GRM3: variants seen among roughly 807,000 people sequenced by gnomAD.
GRM3 encodes glutamate metabotropic receptor 3.
GRM3 carries 26 observed loss-of-function variants against 70.5 expected under a neutral mutation model. The ratio of observed to expected loss-of-function variants is 0.37; its 90% CI spans 0.27 to 0.51. The LOEUF is 0.51. GRM3 is among the 20% of genes least tolerant of loss of function. GRM3 has a pLI of 0.93. For synonymous variants in GRM3, 443 were observed against 434.9 expected, an observed-to-expected ratio of 1.02 and a Z score of -0.23; for missense variants, 859 against 1,123.8, an observed-to-expected ratio of 0.76 and a Z score of 3.37.
intron 2 of GRM3, among the ~76,000 whole-genome samples, chr7:86,772,047 A>G (rs1796756919): frequency 6.6e-6 from 1 of 152,056 alleles, no homozygotes; most frequent in Non-Finnish European, 1.5e-5. Flanking sequence ...ATGCCCCTCC[A>G]TTACTAAGTA....
At chr7:86,847,586 A>C (rs1357145919) in intron 4 of GRM3, among the ~76,000 whole-genome samples, 1 of 152,194 alleles carries the variant, frequency 6.6e-6, no homozygotes, top group African/African-American at 2.4e-5. Flanking sequence ...GAGAGTCCAC[A>C]ACTAAGCTCT....
chr7:86,783,266 C>T (rs981874006), intron 2 of GRM3, among the ~76,000 whole-genome samples: 1 of 152,128 alleles, frequency 6.6e-6, no homozygotes, highest in African/African-American at 2.4e-5. Flanking sequence ...TACCTGGATG[C>T]CTTTCTGTGT....
intron 1 of GRM3, among the ~76,000 whole-genome samples, chr7:86,658,216 A>G (rs143933040): frequency 1.6e-4 from 25 of 152,306 alleles, no homozygotes; most frequent in African/African-American, 5.8e-4. Flanking sequence ...AGCCAAAATT[A>G]TCTTTAAGAA....
intron 2 of GRM3, among the ~76,000 whole-genome samples, chr7:86,767,539 AT>A (rs1796635425): frequency 2.8e-5 from 4 of 140,864 alleles, no homozygotes; most frequent in South Asian, 2.2e-4. Context: ...ATATATATAT[AT>A]ATATATATAT....
In GRM3 at chr7:86,721,879, T is replaced by C. The variant is rs1280139184; in HGVS notation, c.-140-43127T>C. On this transcript the variant is annotated intron_variant, in intron 1 of 5. Transcript: ENST00000361669. ...ACTGTGACAAGGCAGTGTGATGTCA[T>C]TGGCACCTTGAAGAAGGAATATCAC... 8.5e-5 allele frequency among the ~76,000 whole-genome samples: 13 copies of C among 152,188 alleles called. No individual in the cohort carries two copies. In the East Asian group the frequency reaches 1.7e-3, roughly 20 times the overall value.
chr7:86,857,896 G>A (rs1187672727), intron 5 of GRM3, among the ~76,000 whole-genome samples: 1 of 151,830 alleles, frequency 6.6e-6, no homozygotes, highest in Non-Finnish European at 1.5e-5. Flanking sequence ...TATACTTTTT[G>A]AGGGAAGGAG....
intron 1 of GRM3, among the ~76,000 whole-genome samples, chr7:86,709,815 T>A (rs1180770628): frequency 6.6e-6 from 1 of 152,098 alleles, no homozygotes; most frequent in African/African-American, 2.4e-5. Context: ...AACTAAAAAA[T>A]GTATCAATAT....
intron 1 of GRM3, among the ~76,000 whole-genome samples, chr7:86,749,363 T>G (rs909395696): frequency 6.6e-6 from 1 of 152,070 alleles, no homozygotes; most frequent in African/African-American, 2.4e-5. Context: ...GCATCTACAC[T>G]ACTGAGATAA....
At chr7:86,824,263 A>C (rs1798187226) in intron 3 of GRM3, among the ~76,000 whole-genome samples, 1 of 152,186 alleles carries the variant, frequency 6.6e-6, no homozygotes, top group Admixed American at 6.5e-5. Flanking sequence ...TAGGAAGCAA[A>C]AGTTCCCTTT....
At chr7:86,695,375 A>C (rs757240598) in intron 1 of GRM3, among the ~76,000 whole-genome samples, 1 of 152,184 alleles carries the variant, frequency 6.6e-6, no homozygotes, top group Non-Finnish European at 1.5e-5. Context: ...ATCTTTCCAT[A>C]ATGTTCAGTT....
At chr7:86,861,949 A>G (rs977124952) in intron 5 of GRM3, among the ~76,000 whole-genome samples, 8 of 152,236 alleles carry the variant, frequency 5.3e-5, no homozygotes, top group Admixed American at 3.9e-4. Context: ...GGGTTGCCCC[A>G]GGGTGGTAGA....
intron 1 of GRM3, among the ~76,000 whole-genome samples, chr7:86,679,286 A>T (rs1794386375): frequency 6.6e-6 from 1 of 152,112 alleles, no homozygotes; most frequent in African/African-American, 2.4e-5. Context: ...AAGTTATGCG[A>T]TAAAACAATA....
intron 1 of GRM3, among the ~76,000 whole-genome samples, chr7:86,684,954 G>C (rs1375790638): frequency 6.6e-6 from 1 of 152,148 alleles, no homozygotes; most frequent in Non-Finnish European, 1.5e-5. Context: ...ATTGTGTAAA[G>C]TACTTATAGT....
At chr7:86,723,204 T>A (rs1304241024) in intron 1 of GRM3, among the ~76,000 whole-genome samples, 3 of 151,198 alleles carry the variant, frequency 2.0e-5, no homozygotes, top group South Asian at 2.1e-4. Context: ...AAAAATAACA[T>A]CTCCTCTTGA....
At chr7:86,777,635 T>G (rs547191960) in intron 2 of GRM3, among the ~76,000 whole-genome samples, 17 of 152,288 alleles carry the variant, frequency 1.1e-4, no homozygotes, top group Non-Finnish European at 2.4e-4. Flanking sequence ...ATTGTTTTCA[T>G]GCAAATTGTT....
rs148353058 is a variant in GRM3 at position 86,808,043 on chromosome 7, A to G, written c.1324+20927A>G. Among the ~76,000 whole-genome samples, 1,232 of 152,258 alleles carry G rather than the reference A, an allele frequency of 8.1e-3. 16 individuals carry two copies. The highest frequency in any genetic ancestry group is 0.028 in the African/African-American group (1,175 of 41,558). On this transcript the variant is annotated intron_variant, in intron 3 of 5. Transcript: ENST00000361669. ...TTTGGTTCTGTTTATATGATGGATT[A>G]CATTTATTGATTTGTGTATGTTGAA...
At chr7:86,853,512 T>C (rs920633124) in intron 5 of GRM3, among the ~76,000 whole-genome samples, 3 of 152,208 alleles carry the variant, frequency 2.0e-5, no homozygotes, top group African/African-American at 7.2e-5. Context: ...TTCCTTAAAC[T>C]GCTCTGCGTT....
At chr7:86,824,784 C>T (rs1304596326) in intron 3 of GRM3, among the ~76,000 whole-genome samples, 1 of 151,824 alleles carries the variant, frequency 6.6e-6, no homozygotes, top group Non-Finnish European at 1.5e-5. Context: ...GAAATTTATG[C>T]AACAAATTTA....
chr7:86,678,723 T>A lies in GRM3; in HGVS notation c.-141+33851T>A, dbSNP rs1481966263. On this transcript the variant is annotated intron_variant, in intron 1 of 5. Transcript: ENST00000361669. ...CAACAAGGACATCGAGATGTGTTAATGAAACTGTAATCTACTGATCCTAAC... is the reference window on the plus strand; with the variant it reads ...CAACAAGGACATCGAGATGTGTTAAAGAAACTGTAATCTACTGATCCTAAC... Among the ~76,000 whole-genome samples the A allele has an allele frequency of 2.0e-5, 3 of 152,046 alleles. No individual in the cohort carries two copies. In the East Asian group the frequency reaches 5.8e-4, roughly 29 times the overall value.
Sources: gnomAD v4.1 joint callset for allele counts (sites outside exome capture counted in the v4.1 genomes callset) on GRCh38, gnomAD v4.1.1 for gene constraint, MANE v1.5 for transcripts, NCBI Gene and HGNC (gene_info 2026-07-23, HGNC 2026-07-21) for gene names.